Variants in QKI observed in about 807,000 individuals in gnomAD.
QKI encodes QKI, KH domain containing RNA binding, also known as KH domain-containing RNA-binding protein QKI.
In QKI, 10 loss-of-function variants were observed where a neutral mutation model predicts 39.0. The observed-to-expected ratio is 0.26, with a 90% CI of 0.16 to 0.43. The LOEUF (loss-of-function observed/expected upper bound fraction) is 0.43. QKI is among the 20% of genes least tolerant of loss of function. The probability of loss-of-function intolerance (pLI) is 1.00; values close to 1 mark genes in which losing one functional copy is unlikely to be tolerated. For missense variants in QKI, 218 were observed against 428.0 expected (o/e 0.51, Z 4.33); for synonymous variants, 204 against 155.4 (o/e 1.31, Z -2.33).
In QKI at chr6:163,565,493, G is replaced by A. The variant is rs1175809837; in HGVS notation, c.935-1228G>A. ...GTTTACTGCTTAGAAATAGCAAGAG[G>A]CACTGCAGTAAAACTTGTTTCTCAT... On this transcript the variant is annotated intron_variant, in intron 6 of 7. Transcript: ENST00000361752. 3 of 987,574 alleles carry A rather than the reference G, an allele frequency of 3.0e-6. No individual in the cohort carries two copies. In the South Asian group the frequency reaches 1.4e-4, roughly 46 times the overall value. 61.2% of individuals were successfully genotyped at this position (987,574 alleles called of 1,614,324 possible).
intron 3 of QKI, among the ~76,000 whole-genome samples, chr6:163,519,446 G>T (rs756679878): frequency 6.6e-6 from 1 of 151,858 alleles, no homozygotes; most frequent in Non-Finnish European, 1.5e-5. Context: ...TTTTTATGTG[G>T]CACAGTGGCG....
chr6:163,422,490 C>T (rs926488163), intron 1 of QKI, among the ~76,000 whole-genome samples: 2 of 151,992 alleles, frequency 1.3e-5, no homozygotes, highest in African/African-American at 4.8e-5. Flanking sequence ...CTACTTGGGA[C>T]GCTAAGGAGC....
At position 163,517,046 on chromosome 6, in the gene QKI, AC is replaced by A. The variant is rs1239379985; in HGVS notation, c.403-17935del. Among the ~76,000 whole-genome samples the A allele has an allele frequency of 5.5e-3, 506 of 91,766 alleles. 4 individuals carry two copies. The highest frequency in any genetic ancestry group is 0.016 in the African/African-American group (476 of 30,098). The allele number at this position is 91,766 out of a possible 152,430, so 60.2% of individuals were successfully genotyped here. On this transcript the variant is annotated intron_variant, in intron 3 of 7. Coordinates refer to ENST00000361752, the MANE Select transcript of QKI (RefSeq NM_006775.3). ...GAGAAGCAGTAGGGGACACACACAC[AC>A]ACACACACTCACTCTCTCTCTCTCT...
At chr6:163,527,707 A>AT (rs1426627304) in intron 3 of QKI, among the ~76,000 whole-genome samples, 1 of 151,872 alleles carries the variant, frequency 6.6e-6, no homozygotes, top group East Asian at 1.9e-4. Flanking sequence ...AAATGTTGAG[A>AT]TTATTTTTTT....
chr6:163,555,934 G>A (rs890454794), intron 4 of QKI, among the ~76,000 whole-genome samples: 5 of 152,036 alleles, frequency 3.3e-5, no homozygotes, highest in South Asian at 2.1e-4. Flanking sequence ...CCACTTAAAG[G>A]CATCATAAGA....
intron 3 of QKI, among the ~76,000 whole-genome samples, chr6:163,506,612 C>G (rs1183192324): frequency 6.6e-6 from 1 of 152,102 alleles, no homozygotes; most frequent in African/African-American, 2.4e-5. Context: ...TCCTTTGATC[C>G]TATAACTTAG....
intron 3 of QKI, among the ~76,000 whole-genome samples, chr6:163,527,211 T>C (rs1780572492): frequency 6.6e-6 from 1 of 152,160 alleles, no homozygotes; most frequent in Admixed American, 6.5e-5. Context: ...TTTAAAAGTT[T>C]TTTGAGGGCT....
chr6:163,422,648 A>G (rs1187490479), intron 1 of QKI, among the ~76,000 whole-genome samples: 1 of 152,242 alleles, frequency 6.6e-6, no homozygotes, highest in Non-Finnish European at 1.5e-5. Context: ...AATGGTCACA[A>G]TGTAAGTAAA....
At position 163,567,856 on chromosome 6, in the gene QKI, AT is replaced by A. The variant is rs1489247261; in HGVS notation, c.1009+1062del. On this transcript the variant is annotated intron_variant, in intron 7 of 7. Transcript: ENST00000361752. Reference sequence around the variant, plus strand: ...TCAATTGTACATCTTCTATGAATTTATGAAGGACCTACCTGCTTTATGTGAT... The same window carrying A: ...TCAATTGTACATCTTCTATGAATTTAGAAGGACCTACCTGCTTTATGTGAT... 12 of 985,312 alleles carry A rather than the reference AT, an allele frequency of 1.2e-5. No individual in the cohort carries two copies. The Admixed American group carries it at 6.1e-4, about 50-fold the overall frequency. 61.0% of individuals were successfully genotyped at this position (985,312 alleles called of 1,614,324 possible).
chr6:163,547,106 G>C (rs1488552059), intron 4 of QKI, among the ~76,000 whole-genome samples: 1 of 152,138 alleles, frequency 6.6e-6, no homozygotes, highest in East Asian at 1.9e-4. Flanking sequence ...CTTACTTTGT[G>C]ACAGTAATTT....
At chr6:163,421,080 T>C (rs907581281) in intron 1 of QKI, among the ~76,000 whole-genome samples, 3 of 151,896 alleles carry the variant, frequency 2.0e-5, no homozygotes, top group South Asian at 2.1e-4. Context: ...TAAAAAAAAA[T>C]GAAAATCTGA....
chr6:163,415,594 C>T (rs1336247660), intron 1 of QKI, among the ~76,000 whole-genome samples: 2 of 151,752 alleles, frequency 1.3e-5, no homozygotes, highest in Non-Finnish European at 1.5e-5. Context: ...TGGCGCGTTG[C>T]GGAGGGCTGC....
chr6:163,566,080 C>G, intron 6 of QKI: 1 of 1,542,350 alleles, frequency 6.5e-7, no homozygotes, highest in Non-Finnish European at 8.8e-7. Flanking sequence ...CAGTGACTTA[C>G]TTGCACTTTT....
intron 4 of QKI, among the ~76,000 whole-genome samples, chr6:163,553,946 G>T (rs1286708688): frequency 6.6e-6 from 1 of 152,084 alleles, no homozygotes; most frequent in Non-Finnish European, 1.5e-5. Flanking sequence ...TTGTTGATTG[G>T]TTACACAGGT....
At chr6:163,512,951 AGTC>A (rs1460979827) in intron 3 of QKI, among the ~76,000 whole-genome samples, 11 of 152,166 alleles carry the variant, frequency 7.2e-5, no homozygotes, top group Admixed American at 7.2e-4. Context: ...ATTATATAGT[AGTC>A]CTTCCTTATC....
At chr6:163,493,587 C>T (rs1004513222) in intron 3 of QKI, among the ~76,000 whole-genome samples, 35 of 152,142 alleles carry the variant, frequency 2.3e-4, no homozygotes, top group African/African-American at 8.5e-4. Flanking sequence ...GGCTCCATGG[C>T]TCATGCTTGT....
chr6:163,421,903 C>T (rs1373481571), intron 1 of QKI, among the ~76,000 whole-genome samples: 1 of 151,996 alleles, frequency 6.6e-6, no homozygotes, highest in Non-Finnish European at 1.5e-5. Context: ...CGCCACCACG[C>T]CCGGCTAATT....
intron 4 of QKI, among the ~76,000 whole-genome samples, chr6:163,553,126 G>T (rs1782368533): frequency 7.6e-6 from 1 of 131,046 alleles, no homozygotes; most frequent in Non-Finnish European, 1.6e-5. Flanking sequence ...TTTTTGAGAT[G>T]GAGTTTCACT....
intron 4 of QKI, among the ~76,000 whole-genome samples, chr6:163,557,600 G>A (rs761324634): frequency 6.6e-6 from 1 of 152,278 alleles, no homozygotes; most frequent in East Asian, 1.9e-4. Flanking sequence ...GAATGAGTAA[G>A]ATCTAGTGTT....
Sources: gnomAD v4.1 joint callset for allele counts (sites outside exome capture counted in the v4.1 genomes callset) on GRCh38, gnomAD v4.1.1 for gene constraint, MANE v1.5 for transcripts, NCBI Gene and HGNC (gene_info 2026-07-23, HGNC 2026-07-21) for gene names.